PDE4D: variants seen among roughly 807,000 people sequenced by gnomAD.
The protein encoded by PDE4D is 3',5'-cyclic-AMP phosphodiesterase 4D.
Under a neutral mutation model 87.4 loss-of-function variants are expected in PDE4D, and 24 were observed. The observed-to-expected ratio is 0.27, with a 90% CI of 0.20 to 0.39. The LOEUF (loss-of-function observed/expected upper bound fraction) is 0.39, where lower values mean the gene tolerates loss of function less well. Among genes scored for constraint, PDE4D ranks in the 10% least tolerant of loss-of-function variants. The pLI, the probability that PDE4D is intolerant of heterozygous loss-of-function variation, is 1.00. For missense variants in PDE4D, 714 were observed against 1,041.0 expected (o/e 0.69, Z 4.32); for synonymous variants, 384 against 383.2 (o/e 1.00, Z -0.02).
intron 1 of PDE4D, among the ~76,000 whole-genome samples, chr5:59,216,476 A>C (rs1231159567): frequency 1.3e-5 from 2 of 152,110 alleles, no homozygotes; most frequent in African/African-American, 4.8e-5. Context: ...GGTCTCCATC[A>C]AATTTCACCT....
At chr5:59,289,404 CT>C (rs111249009) in intron 1 of PDE4D, among the ~76,000 whole-genome samples, 3 of 152,032 alleles carry the variant, frequency 2.0e-5, no homozygotes, top group African/African-American at 7.2e-5. Context: ...GAGAAAATCA[CT>C]TTTACTAAAA....
intron 1 of PDE4D, among the ~76,000 whole-genome samples, chr5:59,658,240 A>G (rs1052075699): frequency 1.3e-5 from 2 of 152,184 alleles, no homozygotes; most frequent in African/African-American, 4.8e-5. Context: ...TGCAACTTAT[A>G]GATTAAAAAA....
chr5:60,455,129 G>T (rs1746374281), intron 1 of PDE4D, among the ~76,000 whole-genome samples: 1 of 152,076 alleles, frequency 6.6e-6, no homozygotes, highest in South Asian at 2.1e-4. Context: ...TAAAATTCTT[G>T]CATGCATTTT....
chr5:59,299,054 A>G (rs973599871), intron 1 of PDE4D, among the ~76,000 whole-genome samples: 2 of 152,230 alleles, frequency 1.3e-5, no homozygotes, highest in Non-Finnish European at 2.9e-5. Flanking sequence ...TATGACTCAC[A>G]TAAGGGAAGT....
chr5:60,379,868 C>T (rs563177764), intron 1 of PDE4D, among the ~76,000 whole-genome samples: 15 of 152,268 alleles, frequency 9.9e-5, no homozygotes, highest in Admixed American at 2.6e-4. Context: ...ACCTGGATTT[C>T]TTTGAAACAC....
intron 2 of PDE4D, among the ~76,000 whole-genome samples, chr5:60,135,308 A>C (rs1401998195): frequency 6.6e-6 from 1 of 152,272 alleles, no homozygotes; most frequent in African/African-American, 2.4e-5. Context: ...ATAAATTTCT[A>C]TTGTTCGTAA....
At chr5:59,458,380 T>C (rs1442970664) in intron 1 of PDE4D, among the ~76,000 whole-genome samples, 1 of 152,190 alleles carries the variant, frequency 6.6e-6, no homozygotes, top group African/African-American at 2.4e-5. Flanking sequence ...CAGAGAGAGC[T>C]CTTGACATTA....
At chr5:59,955,131 T>C (rs1182947084) in intron 3 of PDE4D, among the ~76,000 whole-genome samples, 1 of 152,208 alleles carries the variant, frequency 6.6e-6, no homozygotes, top group Non-Finnish European at 1.5e-5. Flanking sequence ...GAAGAGGTTA[T>C]ATAAGCTTTT....
At chr5:59,798,568 C>T (rs1278151665) in intron 1 of PDE4D, among the ~76,000 whole-genome samples, 1 of 151,798 alleles carries the variant, frequency 6.6e-6, no homozygotes, top group Non-Finnish European at 1.5e-5. Context: ...AGGAGAGGTA[C>T]GGAAGGGTAG....
chr5:59,606,911 T>C lies in PDE4D; in HGVS notation c.455+286257A>G, dbSNP rs529509079. On this transcript the variant is annotated intron_variant, in intron 1 of 14. Transcript: ENST00000340635. ...TATTTTCCCCATATTCATCTCTCTT[T>C]TTGTTTTCTATTTCTTTCTTACAGA... 1.7e-3 allele frequency among the ~76,000 whole-genome samples: 256 copies of C among 152,208 alleles called. 2 individuals carry two copies. Among genetic ancestry groups the C allele is most frequent in the African/African-American group, 6.0e-3 (248 of 41,546 alleles).
intron 1 of PDE4D, among the ~76,000 whole-genome samples, chr5:59,224,293 T>TACACAC (rs35273659): frequency 0.015 from 2,047 of 135,462 alleles, 32 homozygotes; most frequent in African/African-American, 0.045. Flanking sequence ...CACACACACA[T>TACACAC]ACACACACAC....
intron 1 of PDE4D, among the ~76,000 whole-genome samples, chr5:59,678,402 A>T (rs1415555675): frequency 6.6e-6 from 1 of 152,122 alleles, no homozygotes; most frequent in African/African-American, 2.4e-5. Context: ...TTTTGTGACA[A>T]ATTTCAATGC....
chr5:60,470,332 G>A (rs1747719618), intron 1 of PDE4D, among the ~76,000 whole-genome samples: 1 of 152,198 alleles, frequency 6.6e-6, no homozygotes, highest in Non-Finnish European at 1.5e-5. Context: ...TTCCATAACA[G>A]AAAAGTACAA....
At chr5:59,263,651 C>T (rs901280100) in intron 1 of PDE4D, among the ~76,000 whole-genome samples, 4 of 151,912 alleles carry the variant, frequency 2.6e-5, no homozygotes, top group African/African-American at 9.7e-5. Context: ...AATGAATGAA[C>T]CATATCCGCA....
chr5:60,018,100 G>C (rs1765699833), intron 2 of PDE4D, among the ~76,000 whole-genome samples: 1 of 151,874 alleles, frequency 6.6e-6, no homozygotes. Context: ...GTCTACTTTT[G>C]AGAAGTGTCT....
intron 3 of PDE4D, among the ~76,000 whole-genome samples, chr5:59,984,234 T>A (rs1165206088): frequency 9.5e-6 from 1 of 105,526 alleles, no homozygotes; most frequent in Non-Finnish European, 2.3e-5. Flanking sequence ...ATAAAAAGAT[T>A]TTATGAAAGG....
At position 59,396,911 on chromosome 5, in the gene PDE4D, A is replaced by G. The variant is rs1413910161; in HGVS notation, c.456-180943T>C. Among the ~76,000 whole-genome samples the G allele has an allele frequency of 7.7e-3, 887 of 114,470 alleles. 243 individuals are homozygous for G. The highest frequency in any genetic ancestry group is 0.031 in the African/African-American group (856 of 27,964). 75.1% of individuals were successfully genotyped at this position (114,470 alleles called of 152,430 possible). Reference sequence around the variant, plus strand: ...AGATCTACCAAGCAAATGGAAAACAAAAAAAGGCAGGGGTTGCAATCCTGG... The same window carrying G: ...AGATCTACCAAGCAAATGGAAAACAGAAAAAGGCAGGGGTTGCAATCCTGG... On this transcript the variant is annotated intron_variant, in intron 1 of 14. Coordinates refer to ENST00000340635, the MANE Select transcript of PDE4D (RefSeq NM_001104631.2).
chr5:59,306,805 A>G (rs1771478119), intron 1 of PDE4D, among the ~76,000 whole-genome samples: 1 of 135,322 alleles, frequency 7.4e-6, no homozygotes, highest in Admixed American at 7.8e-5. Flanking sequence ...TAAAGATTCA[A>G]TGCCATCCCC....
At chr5:59,311,204 C>T (rs187198622) in intron 1 of PDE4D, among the ~76,000 whole-genome samples, 9 of 152,182 alleles carry the variant, frequency 5.9e-5, no homozygotes, top group African/African-American at 2.2e-4. Context: ...CTACTCACTA[C>T]TCTGATCCAA....
Sources: gnomAD v4.1 joint callset for allele counts (sites outside exome capture counted in the v4.1 genomes callset) on GRCh38, gnomAD v4.1.1 for gene constraint, MANE v1.5 for transcripts, NCBI Gene and HGNC (gene_info 2026-07-23, HGNC 2026-07-21) for gene names.